Variants in MARK1 observed in about 807,000 individuals in gnomAD.
The protein encoded by MARK1 is microtubule affinity regulating kinase 1, also known as serine/threonine-protein kinase MARK1.
Under a neutral mutation model 96.3 loss-of-function variants are expected in MARK1, and 40 were observed. The ratio of observed to expected loss-of-function variants is 0.42; its 90% confidence interval spans 0.32 to 0.54. MARK1 has a LOEUF of 0.54. Ranked by LOEUF, MARK1 falls within the 20% of genes least tolerant of loss-of-function variation. The pLI, the probability that MARK1 is intolerant of heterozygous loss-of-function variation, is 0.16. For missense variants in MARK1, 719 were observed against 984.6 expected, an observed-to-expected ratio of 0.73 and a Z score of 3.61; for synonymous variants, 317 against 341.2, an observed-to-expected ratio of 0.93 and a Z score of 0.78.
intron 3 of MARK1, among the ~76,000 whole-genome samples, chr1:220,595,358 TAATA>T (rs1665265055): frequency 6.6e-6 from 1 of 152,228 alleles, no homozygotes; most frequent in African/African-American, 2.4e-5. Flanking sequence ...AGTAGCACGC[TAATA>T]GCTAATAGCT....
At chr1:220,625,128 T>C (rs1667255187) in intron 9 of MARK1, among the ~76,000 whole-genome samples, 1 of 152,240 alleles carries the variant, frequency 6.6e-6, no homozygotes, top group Non-Finnish European at 1.5e-5. Context: ...AACAGGCATC[T>C]GTAGTGAGAG....
At chr1:220,584,881 A>G (rs1255253712) in intron 3 of MARK1, among the ~76,000 whole-genome samples, 2 of 152,150 alleles carry the variant, frequency 1.3e-5, no homozygotes, top group Non-Finnish European at 2.9e-5. Flanking sequence ...TCACATATAC[A>G]TGCTATATAG....
intron 3 of MARK1, among the ~76,000 whole-genome samples, chr1:220,589,153 T>C (rs895362184): frequency 2.1e-4 from 32 of 152,304 alleles, no homozygotes; most frequent in African/African-American, 7.7e-4. Context: ...GGCGAAGTCC[T>C]GTGACATTGA....
intron 9 of MARK1, among the ~76,000 whole-genome samples, chr1:220,620,508 A>G (rs1259935006): frequency 1.3e-5 from 2 of 152,304 alleles, no homozygotes; most frequent in East Asian, 3.9e-4. Flanking sequence ...AGCAAAAAGA[A>G]CATACAAAAA....
At chr1:220,586,963 C>T (rs146960772) in intron 3 of MARK1, among the ~76,000 whole-genome samples, 187 of 152,158 alleles carry the variant, frequency 1.2e-3, no homozygotes, top group African/African-American at 4.4e-3. Context: ...TTATTTATTG[C>T]ACTAAAATGT....
intron 1 of MARK1, among the ~76,000 whole-genome samples, chr1:220,535,376 T>G (rs1660615374): frequency 6.6e-6 from 1 of 152,196 alleles, no homozygotes. Flanking sequence ...GTATGTCTTC[T>G]TTAGAGAAAT....
chr1:220,636,065 A>AT, intron 13 of MARK1, 39 bp downstream of exon 13: 2 of 1,406,368 alleles, frequency 1.4e-6, no homozygotes, highest in South Asian at 1.6e-5. Context: ...TTATTGTAAT[A>AT]ACTTGTTTTA....
chr1:220,643,855 G>C (rs778774644), intron 13 of MARK1, among the ~76,000 whole-genome samples: 8 of 152,166 alleles, frequency 5.3e-5, no homozygotes, highest in Non-Finnish European at 8.8e-5. Flanking sequence ...ATCCTTTTCA[G>C]ACAAGCAAAT....
At chr1:220,562,426 C>T (rs963825887) in intron 1 of MARK1, among the ~76,000 whole-genome samples, 2 of 152,104 alleles carry the variant, frequency 1.3e-5, no homozygotes, top group South Asian at 2.1e-4. Context: ...GCCAAGATAG[C>T]GCCACTGCAC....
chr1:220,660,134 A>T (rs1669395462), intron 17 of MARK1, among the ~76,000 whole-genome samples: 1 of 152,186 alleles, frequency 6.6e-6, no homozygotes, highest in South Asian at 2.1e-4. Flanking sequence ...GTGCTCAGTC[A>T]ACTGATCTCT....
intron 1 of MARK1, among the ~76,000 whole-genome samples, chr1:220,564,008 G>A (rs1432599907): frequency 6.6e-6 from 1 of 152,108 alleles, no homozygotes; most frequent in Admixed American, 6.6e-5. Context: ...TTCCGTTAGA[G>A]GATAGCAGTG....
At chr1:220,643,813 G>A (rs1332277855) in intron 13 of MARK1, among the ~76,000 whole-genome samples, 1 of 152,126 alleles carries the variant, frequency 6.6e-6, no homozygotes, top group Non-Finnish European at 1.5e-5. Flanking sequence ...TTCATATCTG[G>A]TCAAACTAAG....
intron 13 of MARK1, among the ~76,000 whole-genome samples, chr1:220,642,047 A>C (rs1317188346): frequency 2.0e-5 from 3 of 152,142 alleles, no homozygotes; most frequent in Non-Finnish European, 1.5e-5. Context: ...GTTTTTACAT[A>C]ATCTGGTGGC....
chr1:220,552,095 TAGTC>T (rs988792032), intron 1 of MARK1, among the ~76,000 whole-genome samples: 4 of 152,194 alleles, frequency 2.6e-5, no homozygotes, highest in African/African-American at 9.7e-5. Context: ...TTTCCCTTGA[TAGTC>T]AGGATCAGTC....
In MARK1 at chr1:220,588,253, C is replaced by G. The variant is rs111880569; in HGVS notation, c.309+7135C>G. ...ACTGAGCACCAACTTATACCCAAAG[C>G]TGTGCAGGATCTTAGGAGAGATTCA... is the stretch of plus-strand genomic sequence containing the variant. On this transcript the variant is annotated intron_variant, in intron 3 of 17. Coordinates refer to ENST00000366917, the MANE Select transcript of MARK1 (RefSeq NM_018650.5). Among the ~76,000 whole-genome samples, 29 of 152,284 alleles carry G rather than the reference C, an allele frequency of 1.9e-4. 1 individual carries two copies. The highest frequency in any genetic ancestry group is 7.0e-4 in the African/African-American group (29 of 41,572).
At chr1:220,579,101 T>G (rs1261423412) in intron 1 of MARK1, among the ~76,000 whole-genome samples, 1 of 152,020 alleles carries the variant, frequency 6.6e-6, no homozygotes, top group Non-Finnish European at 1.5e-5. Flanking sequence ...CTTGGCCTCC[T>G]TAAGTGCTGG....
chr1:220,569,786 C>G (rs1174328157), intron 1 of MARK1, among the ~76,000 whole-genome samples: 2 of 151,992 alleles, frequency 1.3e-5, no homozygotes, highest in African/African-American at 4.8e-5. Flanking sequence ...AGGATTTCTT[C>G]TGTCTTTTAT....
At chr1:220,592,229 T>C (rs149688292) in intron 3 of MARK1, among the ~76,000 whole-genome samples, 12 of 124,418 alleles carry the variant, frequency 9.6e-5, no homozygotes, top group African/African-American at 3.2e-4. Flanking sequence ...CATATTATAT[T>C]ATATTATATT....
intron 2 of MARK1, 82 bp downstream of exon 2, chr1:220,579,639 A>T (rs1345760497): frequency 1.1e-5 from 12 of 1,124,144 alleles, no homozygotes; most frequent in South Asian, 1.4e-5. Flanking sequence ...CATGTTTGGG[A>T]GTAAAATGAC....
Sources: allele counts gnomAD v4.1 joint callset (sites outside exome capture counted in the v4.1 genomes callset), GRCh38; gene constraint gnomAD v4.1.1; transcripts MANE v1.5; gene names NCBI Gene and HGNC (gene_info 2026-07-23, HGNC 2026-07-21).